The following AQP9 variants were observed in gnomAD, a reference collection of about 807,000 sequenced individuals.
AQP9 encodes the protein aquaporin 9, also known as aquaporin-9.
In AQP9, 19 loss-of-function variants were observed where a neutral mutation model predicts 23.8. That is an observed-to-expected ratio of 0.80 (90% CI 0.56 to 1.17). AQP9 has a LOEUF of 1.17. AQP9 is among the 50% of genes most tolerant of loss of function. AQP9 has a pLI of 0.00. For synonymous variants in AQP9, 153 were observed against 131.5 expected, an observed-to-expected ratio of 1.16 and a Z score of -1.12; for missense variants, 413 against 362.0, an observed-to-expected ratio of 1.14 and a Z score of -1.14.
chr15:58,144,768 C>A (rs1164405139), intron 1 of AQP9, among the ~76,000 whole-genome samples: 1 of 152,070 alleles, frequency 6.6e-6, no homozygotes, highest in Non-Finnish European at 1.5e-5. Flanking sequence ...GTAATCCCAG[C>A]ACTTTGGGAG....
chr15:58,173,509 G>C (rs1357755035), intron 3 of AQP9, among the ~76,000 whole-genome samples: 1 of 152,180 alleles, frequency 6.6e-6, no homozygotes, highest in African/African-American at 2.4e-5. Flanking sequence ...CCCCACTGCT[G>C]TCTCTGATTT....
At chr15:58,161,109 T>C (rs1898372254) in intron 1 of AQP9, among the ~76,000 whole-genome samples, 1 of 152,050 alleles carries the variant, frequency 6.6e-6, no homozygotes, top group Admixed American at 6.6e-5. Flanking sequence ...TGGTGCTTCA[T>C]CTGGCATGGT....
chr15:58,161,189 G>A (rs1898375957), intron 1 of AQP9, among the ~76,000 whole-genome samples: 1 of 152,076 alleles, frequency 6.6e-6, no homozygotes, highest in Non-Finnish European at 1.5e-5. Flanking sequence ...TGCAAGATAT[G>A]GGAATGACAG....
At chr15:58,161,252 C>A (rs1258404108) in intron 1 of AQP9, among the ~76,000 whole-genome samples, 1 of 152,082 alleles carries the variant, frequency 6.6e-6, no homozygotes, top group African/African-American at 2.4e-5. Flanking sequence ...ATTAATAATT[C>A]CAGAATGTTT....
intron 5 of AQP9, among the ~76,000 whole-genome samples, chr15:58,182,926 T>C (rs11854297): frequency 0.9 from 136,592 of 152,234 alleles, 61,797 homozygotes; most frequent in Non-Finnish European, 0.96. Flanking sequence ...TAGACTTAGT[T>C]TCCTGGATTC....
chr15:58,158,893 G>A (rs1251644680), intron 1 of AQP9, among the ~76,000 whole-genome samples: 6 of 152,064 alleles, frequency 3.9e-5, no homozygotes, highest in East Asian at 1.9e-4. Flanking sequence ...ACTTCACTAC[G>A]GAATTCCTAA....
chr15:58,140,432 C>T (rs1289428916), intron 1 of AQP9, among the ~76,000 whole-genome samples: 1 of 152,122 alleles, frequency 6.6e-6, no homozygotes, highest in Non-Finnish European at 1.5e-5. Context: ...CCAGTCATTT[C>T]CTGAAATATT....
chr15:58,171,866 T>TCAC (rs1352839441), intron 2 of AQP9, among the ~76,000 whole-genome samples: 4 of 150,940 alleles, frequency 2.7e-5, no homozygotes, highest in South Asian at 2.1e-4. Context: ...ATCATCATCA[T>TCAC]CACCACCATC....
At chr15:58,143,936 A>C (rs1897994485) in intron 1 of AQP9, among the ~76,000 whole-genome samples, 2 of 152,184 alleles carry the variant, frequency 1.3e-5, no homozygotes, top group South Asian at 4.1e-4. Context: ...AGTGATTTCA[A>C]AGTTGTACTT....
chr15:58,167,282 G>T (rs141620230), intron 2 of AQP9, among the ~76,000 whole-genome samples: 97 of 152,288 alleles, frequency 6.4e-4, no homozygotes, highest in African/African-American at 2.2e-3. Context: ...ATCCTGCTCT[G>T]AAAAGTAAAC....
At chr15:58,163,807 A>G (rs1898439910) in intron 1 of AQP9, 1 of 152,116 alleles carries the variant, frequency 6.6e-6, no homozygotes, top group African/African-American at 2.4e-5. Context: ...AATACACTGA[A>G]CACACAGAAG....
At chr15:58,174,590 C>T (rs1898697638) in intron 3 of AQP9, among the ~76,000 whole-genome samples, 2 of 152,174 alleles carry the variant, frequency 1.3e-5, no homozygotes, top group South Asian at 4.1e-4. Flanking sequence ...AGAGCAAGAC[C>T]AAGCCCCACT....
At chr15:58,141,105 C>CT (rs1475975892) in intron 1 of AQP9, among the ~76,000 whole-genome samples, 3 of 152,214 alleles carry the variant, frequency 2.0e-5, no homozygotes, top group African/African-American at 4.8e-5. Context: ...GGCCTTTCAC[C>CT]TTTACTAGTG....
At chr15:58,182,929 C>T (rs530276460) in intron 5 of AQP9, among the ~76,000 whole-genome samples, 2 of 152,312 alleles carry the variant, frequency 1.3e-5, no homozygotes, top group East Asian at 3.9e-4. Flanking sequence ...ACTTAGTTTC[C>T]TGGATTCTAG....
At position 58,138,502 on chromosome 15, in the gene AQP9, G is replaced by A; in HGVS notation, c.-64G>A. ...TCAAAACGTCCATTTTCATCTGGCT[G>A]TGAAAGTGAGGACCACAACAGGTAG... On this transcript the variant is annotated 5_prime_UTR_variant, in exon 1 of 6. It adds an upstream start codon to the 5' untranslated region. Transcript: ENST00000219919. 7.5e-7 allele frequency: 1 copy of A among 1,332,088 alleles called. No homozygotes were observed. Among genetic ancestry groups the A allele is most frequent in the South Asian group, 1.2e-5 (1 of 80,618 alleles). 82.5% of individuals were successfully genotyped at this position (1,332,088 alleles called of 1,614,324 possible).
chr15:58,177,325 C>T (rs1447562374), intron 4 of AQP9, among the ~76,000 whole-genome samples: 1 of 152,178 alleles, frequency 6.6e-6, no homozygotes, highest in Non-Finnish European at 1.5e-5. Context: ...AGTTCAGAGT[C>T]TGAGGCTCAA....
intron 1 of AQP9, among the ~76,000 whole-genome samples, chr15:58,141,484 T>C (rs769549616): frequency 1.5e-4 from 23 of 152,204 alleles, no homozygotes; most frequent in Non-Finnish European, 3.2e-4. Flanking sequence ...AAAATGCAAG[T>C]ACTTCTGCTA....
intron 1 of AQP9, among the ~76,000 whole-genome samples, chr15:58,161,188 T>A (rs576350759): frequency 6.6e-6 from 1 of 152,158 alleles, no homozygotes; most frequent in Non-Finnish European, 1.5e-5. Flanking sequence ...CTGCAAGATA[T>A]GGGAATGACA....
chr15:58,160,349 TTTTG>T (rs533799977), intron 1 of AQP9, among the ~76,000 whole-genome samples: 55 of 152,236 alleles, frequency 3.6e-4, no homozygotes, highest in South Asian at 8.3e-4. Context: ...ATTATTTGGA[TTTTG>T]TTTGTTTGTT....
Sources: allele counts gnomAD v4.1 joint callset (sites outside exome capture counted in the v4.1 genomes callset), GRCh38; gene constraint gnomAD v4.1.1; transcripts MANE v1.5; gene names NCBI Gene and HGNC (gene_info 2026-07-23, HGNC 2026-07-21).